MYH16: variants seen among roughly 807,000 people sequenced by gnomAD.
The protein encoded by MYH16 is myosin heavy chain 16, also known as putative uncharacterized protein MYH16.
At position 99,295,460 on chromosome 7, in the gene MYH16, G is replaced by A. The variant is rs953350945; in HGVS notation, n.4283-1241G>A. Among the ~76,000 whole-genome samples the A allele has an allele frequency of 3.3e-5, 5 of 152,058 alleles. No homozygotes were observed. The East Asian group carries it at 5.8e-4, about 18-fold the overall frequency. The stretch of plus-strand genomic sequence containing the variant: ...ACAAACTACATCCCACATACTTTGC[G>A]TGGCTAACTATTCCTATTTGCATCC... On this transcript the variant is annotated intron_variant and non_coding_transcript_variant, in intron 33 of 41. Transcript: ENST00000439784.
At chr7:99,248,067 A>G (rs543114571) in intron 3 of MYH16, among the ~76,000 whole-genome samples, 2 of 152,150 alleles carry the variant, frequency 1.3e-5, no homozygotes, top group Non-Finnish European at 2.9e-5. Flanking sequence ...CATTACCTCT[A>G]TGATCTTTGC....
intron 21 of MYH16, among the ~76,000 whole-genome samples, chr7:99,279,144 T>C (rs1000480329): frequency 2.0e-5 from 3 of 152,022 alleles, no homozygotes; most frequent in Non-Finnish European, 4.4e-5. Context: ...TGAGCCATGA[T>C]TGTGCCACTG....
intron 30 of MYH16, among the ~76,000 whole-genome samples, chr7:99,290,404 T>C (rs1040256241): frequency 6.6e-6 from 1 of 150,992 alleles, no homozygotes; most frequent in African/African-American, 2.4e-5. Flanking sequence ...GGAGGATTGC[T>C]TGAGCCCAGG....
intron 17 of MYH16, among the ~76,000 whole-genome samples, chr7:99,266,059 G>A (rs946062259): frequency 6.6e-6 from 1 of 152,128 alleles, no homozygotes; most frequent in Admixed American, 6.5e-5. Flanking sequence ...CTAAATCTGA[G>A]ACATTTTCCA....
At chr7:99,277,501 C>T (rs1376377157) in intron 20 of MYH16, 38 bp from the exon 3 acceptor site, 1 of 444,202 alleles carries the variant, frequency 2.3e-6, no homozygotes, top group East Asian at 7.0e-5. Context: ...CAGCAAACCC[C>T]ATTCTCCTAA....
downstream of MYH16, among the ~76,000 whole-genome samples, chr7:99,308,618 A>G (rs1792715226): frequency 6.6e-6 from 1 of 152,156 alleles, no homozygotes; most frequent in African/African-American, 2.4e-5. Flanking sequence ...AGAAGTGCCT[A>G]TTCTTAGGCC....
chr7:99,286,516 T>C (rs1383144146), exon 28 of MYH16: 1 of 152,550 alleles, frequency 6.6e-6, no homozygotes, highest in Non-Finnish European at 1.5e-5. Context: ...TGGAGCCACA[T>C]CTGCTCAGGC....
At chr7:99,284,244 G>A (rs552615635) in intron 25 of MYH16, among the ~76,000 whole-genome samples, 16 of 152,218 alleles carry the variant, frequency 1.1e-4, no homozygotes, top group African/African-American at 3.4e-4. Context: ...GGAGACAAGC[G>A]CCACCACCCC....
downstream of MYH16, among the ~76,000 whole-genome samples, chr7:99,308,217 C>T (rs576997085): frequency 4.6e-4 from 67 of 145,456 alleles, no homozygotes; most frequent in Non-Finnish European, 8.2e-4. Context: ...ATTGCTTGAA[C>T]CCAGGAGGCA....
chr7:99,256,301 A>AT (rs1554477325), intron 9 of MYH16, among the ~76,000 whole-genome samples: 23 of 126,044 alleles, frequency 1.8e-4, no homozygotes, highest in African/African-American at 6.2e-4. Flanking sequence ...AAAAAAAAAA[A>AT]TTTAAATTTG....
intron 9 of MYH16, among the ~76,000 whole-genome samples, chr7:99,256,708 GA>G (rs1791876897): frequency 6.6e-6 from 1 of 152,360 alleles, no homozygotes; most frequent in Non-Finnish European, 1.5e-5. Flanking sequence ...CCAAGAGGTG[GA>G]GGTTGCAGTG....
chr7:99,307,581 A>C (rs1271397850), downstream of MYH16, among the ~76,000 whole-genome samples: 3 of 152,000 alleles, frequency 2.0e-5, no homozygotes, highest in Non-Finnish European at 4.4e-5. Flanking sequence ...AAAATTATCC[A>C]GGCATGGTGG....
intron 7 of MYH16, chr7:99,252,918 A>C (rs894265844): frequency 6.5e-6 from 1 of 152,750 alleles, no homozygotes; most frequent in Non-Finnish European, 1.5e-5. Context: ...GTGCAGCTAC[A>C]TAATCTGTGA....
chr7:99,271,516 A>T (rs1485582500), intron 19 of MYH16, among the ~76,000 whole-genome samples: 1 of 152,168 alleles, frequency 6.6e-6, no homozygotes, highest in Non-Finnish European at 1.5e-5. Context: ...TCTCAAAAAA[A>T]TAAAAAGAAC....
At chr7:99,278,229 C>T (rs1180804263) in intron 21 of MYH16, among the ~76,000 whole-genome samples, 1 of 152,084 alleles carries the variant, frequency 6.6e-6, no homozygotes, top group Non-Finnish European at 1.5e-5. Flanking sequence ...AGGTGTAAGC[C>T]CCTGTGCCCA....
At chr7:99,289,394 C>T (rs1340544283) in exon 30 of MYH16, 7 of 439,004 alleles carry the variant, frequency 1.6e-5, no homozygotes, top group Middle Eastern at 3.3e-4. Flanking sequence ...CCATCAGGAC[C>T]CGCCTCCAAG....
downstream of MYH16, among the ~76,000 whole-genome samples, chr7:99,309,023 C>T (rs889303414): frequency 2.6e-5 from 4 of 152,170 alleles, no homozygotes; most frequent in African/African-American, 4.8e-5. Flanking sequence ...TAAATATCCC[C>T]GTTTGTCAGG....
At chr7:99,271,887 AG>A (rs1348131209) in intron 19 of MYH16, among the ~76,000 whole-genome samples, 1 of 152,028 alleles carries the variant, frequency 6.6e-6, no homozygotes, top group Non-Finnish European at 1.5e-5. Context: ...GGTAGAGACA[AG>A]GTCTCCCTAT....
chr7:99,258,770 G>A (rs1271492100), intron 11 of MYH16, among the ~76,000 whole-genome samples: 5 of 151,628 alleles, frequency 3.3e-5, no homozygotes, highest in East Asian at 1.9e-4. Flanking sequence ...ACTATAAATC[G>A]GGTTTGGTTT....
Sources: allele counts gnomAD v4.1 joint callset (sites outside exome capture counted in the v4.1 genomes callset), GRCh38; gene constraint gnomAD v4.1.1; transcripts MANE v1.5; gene names NCBI Gene and HGNC (gene_info 2026-07-23, HGNC 2026-07-21).